PMP22: variants seen among roughly 807,000 people sequenced by gnomAD.
PMP22 encodes peripheral myelin protein 22.
PMP22 carries 2 observed loss-of-function variants against 18.9 expected under a neutral mutation model. The observed-to-expected ratio is 0.11, with a 90% confidence interval of 0.04 to 0.33. The LOEUF (loss-of-function observed/expected upper bound fraction) is 0.33, where lower values mean the gene tolerates loss of function less well. Ranked by LOEUF, PMP22 falls within the 10% of genes least tolerant of loss-of-function variation. PMP22 has a pLI of 1.00. For synonymous variants in PMP22, 95 were observed against 89.2 expected, an observed-to-expected ratio of 1.07 and a Z score of -0.37; for missense variants, 169 against 202.2, an observed-to-expected ratio of 0.84 and a Z score of 1.00.
Position 15,230,800 on chromosome 17 carries a change from T to G in PMP22, c.*117A>C. On this transcript the variant is annotated 3_prime_UTR_variant, in exon 5 of 5. Transcript: ENST00000312280. Reference sequence around the variant, plus strand: ...AACCCCCACCTCCACTGCTTTCTGTTTGGTTTGGTTTGAGTTTGGGATTTT... The same window carrying G: ...AACCCCCACCTCCACTGCTTTCTGTGTGGTTTGGTTTGAGTTTGGGATTTT... 8 of 1,021,522 alleles carry G rather than the reference T, an allele frequency of 7.8e-6. No homozygotes were observed. Among genetic ancestry groups the G allele is most frequent in the Non-Finnish European group, 1.2e-5 (8 of 676,318 alleles). The allele number at this position is 1,021,522 out of a possible 1,614,324, so 63.3% of individuals were successfully genotyped here. A position where few individuals can be genotyped will look rare whatever the true frequency, so the allele number is the denominator to read the frequency against.
chr17:15,259,122 G>A lies in PMP22; in HGVS notation c.150C>T (p.Val50=). Residue 50 remains valine, a synonymous_variant, in exon 3 of 5, where the codon GTC becomes GTT. Transcript: ENST00000312280. ...TTGGTGATGATGAGAAACAGTGGTGGACATTTCCTGAGGAAGAGGTGCTAC... is the reference window on the plus strand; with the variant it reads ...TTGGTGATGATGAGAAACAGTGGTGAACATTTCCTGAGGAAGAGGTGCTAC... The part of the protein sequence containing the change: ...QNCSTSSSGN[V]HHCFSSSPNE... 6.2e-7 allele frequency: 1 copy of A among 1,613,804 alleles called. No homozygotes were observed. Among genetic ancestry groups the A allele is most frequent in the Non-Finnish European group, 8.5e-7 (1 of 1,179,686 alleles).
chr17:15,235,075 C>A lies in PMP22; in HGVS notation c.320-3995G>T. ...CTTTAAGCAATCCTCTCACCTCAGT[C>A]TTTCAAAGTGTTGGGATTACAGGCA... On this transcript the variant is annotated intron_variant, in intron 4 of 4. Coordinates refer to ENST00000312280, the MANE Select transcript of PMP22 (RefSeq NM_000304.4). 4.9e-6 allele frequency: 3 copies of A among 615,748 alleles called. No homozygotes were observed. In the South Asian group the frequency reaches 5.9e-5, roughly 12 times the overall value. 38.1% of individuals were successfully genotyped at this position (615,748 alleles called of 1,614,324 possible). A position where few individuals can be genotyped will look rare whatever the true frequency, so the allele number is the denominator to read the frequency against.
chr17:15,247,731 G>A (rs1907964461), intron 3 of PMP22, among the ~76,000 whole-genome samples: 1 of 152,106 alleles, frequency 6.6e-6, no homozygotes, highest in Admixed American at 6.5e-5. Flanking sequence ...CCCATATCAA[G>A]TCCCACTCTG....
At position 15,265,277 on chromosome 17, in the gene PMP22, G is replaced by A. The variant is rs1384904048; in HGVS notation, c.-158C>T. The A allele has an allele frequency of 6.6e-6, 1 of 152,162 alleles. No individual in the cohort carries two copies. Among genetic ancestry groups the A allele is most frequent in the Non-Finnish European group, 1.5e-5 (1 of 68,042 alleles). The allele number at this position is 152,162 out of a possible 1,614,324, so 9.4% of individuals were successfully genotyped here. On this transcript the variant is annotated 5_prime_UTR_variant, in exon 1 of 5. Coordinates refer to ENST00000312280, the MANE Select transcript of PMP22 (RefSeq NM_000304.4). Reference sequence around the variant, plus strand: ...CCGCAGCCGACAGACTAAGCCTGCAGCTTCCAACCAGGCTCCCCGAGATGT... The same window carrying A: ...CCGCAGCCGACAGACTAAGCCTGCAACTTCCAACCAGGCTCCCCGAGATGT...
At chr17:15,257,386 G>T (rs926425864) in intron 3 of PMP22, among the ~76,000 whole-genome samples, 1 of 152,152 alleles carries the variant, frequency 6.6e-6, no homozygotes, top group African/African-American at 2.4e-5. Flanking sequence ...GTTTTAACAC[G>T]CCTGCCAAAA....
chr17:15,244,464 G>A (rs1279355654), intron 3 of PMP22, among the ~76,000 whole-genome samples: 1 of 152,154 alleles, frequency 6.6e-6, no homozygotes, highest in Non-Finnish European at 1.5e-5. Flanking sequence ...GACACTATAT[G>A]TGTTCAAGTG....
At chr17:15,244,968 A>G (rs1907667678) in intron 3 of PMP22, among the ~76,000 whole-genome samples, 1 of 152,248 alleles carries the variant, frequency 6.6e-6, no homozygotes, top group Non-Finnish European at 1.5e-5. Flanking sequence ...ACTAAGAGTC[A>G]GGATTCCAAA....
intron 1 of PMP22, 27 bp from the exon 2 acceptor site, chr17:15,260,788 C>A (rs1909262502): frequency 3.5e-6 from 5 of 1,428,222 alleles, no homozygotes; most frequent in East Asian, 2.5e-5. Context: ...GGGCGTGAGG[C>A]CGAACGCACT....
chr17:15,259,007 T>C, intron 3 of PMP22, 87 bp downstream of exon 3: 1 of 981,594 alleles, frequency 1.0e-6, no homozygotes, highest in Non-Finnish European at 1.6e-6. Context: ...CTGGCTTGTG[T>C]CTTCCAATAA....
rs1013902442 is a variant in PMP22, at chr17:15,258,152, C to T, written c.178+942G>A. On this transcript the variant is annotated intron_variant, in intron 3 of 4. Transcript: ENST00000312280. This position sits in a 1 kb window ranked among gnomAD's most constrained non-coding sequence, Gnocchi z 4.1. Reference sequence around the variant, plus strand: ...CCAGCAACATTTAAAGCTGTATTTCCGTGGCCTTTTAAACCCAGGATGTTA... The same window carrying T: ...CCAGCAACATTTAAAGCTGTATTTCTGTGGCCTTTTAAACCCAGGATGTTA... 1.3e-4 allele frequency among the ~76,000 whole-genome samples: 20 copies of T among 152,236 alleles called. No homozygotes were observed. The highest frequency in any genetic ancestry group is 3.4e-3 in the Middle Eastern group (1 of 294).
Position 15,258,393 on chromosome 17 carries a change from T to C in PMP22, c.178+701A>G, listed in dbSNP as rs1204853483. Among the ~76,000 whole-genome samples, 5 of 152,178 alleles carry C rather than the reference T, an allele frequency of 3.3e-5. No homozygotes were observed. Among genetic ancestry groups the C allele is most frequent in the Non-Finnish European group, 7.3e-5 (5 of 68,040 alleles). ...TTTCCCTCTGGGTGCCTTGGGTACCTAGTTGGTGCTTCTGCTGCCAATTAT... is the reference window on the plus strand; with the variant it reads ...TTTCCCTCTGGGTGCCTTGGGTACCCAGTTGGTGCTTCTGCTGCCAATTAT... On this transcript the variant is annotated intron_variant, in intron 3 of 4. Transcript: ENST00000312280. This position sits in a 1 kb window ranked among gnomAD's most constrained non-coding sequence, Gnocchi z 4.1.
chr17:15,239,435 C>G, intron 4 of PMP22, 36 bp downstream of exon 4: 1 of 1,612,416 alleles, frequency 6.2e-7, no homozygotes, highest in Non-Finnish European at 8.5e-7. Context: ...TTGGATGCAC[C>G]CCGCTTCCAC....
At chr17:15,235,527 A>G (rs183946439) in intron 4 of PMP22, among the ~76,000 whole-genome samples, 74 of 152,328 alleles carry the variant, frequency 4.9e-4, no homozygotes, top group Admixed American at 6.5e-4. Context: ...GAATGACTCC[A>G]AAGTCCAGAC....
chr17:15,253,174 T>G (rs1036486279), intron 3 of PMP22, among the ~76,000 whole-genome samples: 3 of 152,142 alleles, frequency 2.0e-5, no homozygotes, highest in African/African-American at 7.2e-5. Context: ...TGTATGAGTT[T>G]GCAAACTAAA....
intron 3 of PMP22, among the ~76,000 whole-genome samples, chr17:15,243,288 T>C (rs974448957): frequency 1.3e-5 from 2 of 152,046 alleles, no homozygotes; most frequent in Admixed American, 6.5e-5. Context: ...ATAAAAGAAG[T>C]ACTAAAGAAA....
At chr17:15,238,159 T>C (rs527361732) in intron 4 of PMP22, among the ~76,000 whole-genome samples, 1 of 152,350 alleles carries the variant, frequency 6.6e-6, no homozygotes, top group South Asian at 2.1e-4. Context: ...TGGCTTGGTG[T>C]CATAAGACAT....
intron 3 of PMP22, among the ~76,000 whole-genome samples, chr17:15,246,178 T>C (rs969383721): frequency 6.6e-6 from 1 of 152,194 alleles, no homozygotes; most frequent in Non-Finnish European, 1.5e-5. Context: ...AGAGTGCAAA[T>C]ATCTGCACAG....
chr17:15,243,123 GA>G (rs1304055497), intron 3 of PMP22, among the ~76,000 whole-genome samples: 1 of 151,074 alleles, frequency 6.6e-6, no homozygotes, highest in Non-Finnish European at 1.5e-5. Flanking sequence ...CAAGAAGCCA[GA>G]AAAAAAACAA....
intron 3 of PMP22, among the ~76,000 whole-genome samples, chr17:15,243,788 C>T (rs899756398): frequency 6.8e-6 from 1 of 147,008 alleles, no homozygotes; most frequent in African/African-American, 2.5e-5. Flanking sequence ...AATTATATAA[C>T]ATATAATTAT....
Sources: gnomAD v4.1 joint callset for allele counts (sites outside exome capture counted in the v4.1 genomes callset) on GRCh38, gnomAD v4.1.1 for gene constraint, Gnocchi (gnomAD v3.1) non-coding constraint, MANE v1.5 for transcripts, NCBI Gene and HGNC (gene_info 2026-07-23, HGNC 2026-07-21) for gene names.